The following CNTNAP2 variants were observed in gnomAD, a reference collection of about 807,000 sequenced individuals.
The protein encoded by CNTNAP2 is contactin-associated protein-like 2.
CNTNAP2 carries 98 observed loss-of-function variants against 155.2 expected under a neutral mutation model. The observed-to-expected ratio is 0.63, with a 90% CI of 0.54 to 0.75. The LOEUF is 0.75. Among genes scored for constraint, CNTNAP2 ranks in the 30% least tolerant of loss-of-function variants. The pLI is 0.00. For missense variants in CNTNAP2, 1,727 were observed against 1,688.1 expected (o/e 1.02, Z -0.40); for synonymous variants, 651 against 631.2 (o/e 1.03, Z -0.47).
At chr7:148,168,849 C>A (rs2116685990) in intron 17 of CNTNAP2, among the ~76,000 whole-genome samples, 2 of 152,254 alleles carry the variant, frequency 1.3e-5, no homozygotes, top group South Asian at 4.1e-4. Flanking sequence ...AAAAGGTTAA[C>A]ATGTGGAGAG....
intron 1 of CNTNAP2, among the ~76,000 whole-genome samples, chr7:146,660,015 C>A (rs190567002): frequency 2.6e-5 from 4 of 152,188 alleles, no homozygotes; most frequent in Non-Finnish European, 4.4e-5. Flanking sequence ...GCCAAGGGCA[C>A]GGTTATGCTG....
intron 14 of CNTNAP2, among the ~76,000 whole-genome samples, chr7:147,952,831 T>A (rs1005877644): frequency 2.0e-5 from 3 of 152,244 alleles, no homozygotes; most frequent in Non-Finnish European, 1.5e-5. Flanking sequence ...TATACTTATT[T>A]TTTTTAATGC....
chr7:146,514,474 A>C (rs1221974011), intron 1 of CNTNAP2, among the ~76,000 whole-genome samples: 1 of 151,922 alleles, frequency 6.6e-6, no homozygotes, highest in East Asian at 1.9e-4. Context: ...TAGTTCACTG[A>C]TTCTTTCCTC....
Position 148,241,205 on chromosome 7 carries a change from T to C in CNTNAP2, c.3381+11426T>C, listed in dbSNP as rs539498260. Among the ~76,000 whole-genome samples the C allele has an allele frequency of 2.0e-5, 3 of 152,354 alleles. No homozygotes were observed. The East Asian group carries it at 5.8e-4, about 29-fold the overall frequency. ...CATCTTTTCTAATGCAGTTTGTGTATGTTAAATGGAAATACAAAAAAAAAT... is the reference window on the plus strand; with the variant it reads ...CATCTTTTCTAATGCAGTTTGTGTACGTTAAATGGAAATACAAAAAAAAAT... On this transcript the variant is annotated intron_variant, in intron 20 of 23. Coordinates refer to ENST00000361727, the MANE Select transcript of CNTNAP2 (RefSeq NM_014141.6).
Position 146,658,701 on chromosome 7 carries a change from C to T in CNTNAP2, c.98-115570C>T, listed in dbSNP as rs116105474. On this transcript the variant is annotated intron_variant, in intron 1 of 23. Transcript: ENST00000361727. ...ATGTTCATACCTAATATTTATGAGTCAAATGCTAAGTATAATTCTCATGAC... is the reference window on the plus strand; with the variant it reads ...ATGTTCATACCTAATATTTATGAGTTAAATGCTAAGTATAATTCTCATGAC... Among the ~76,000 whole-genome samples the T allele has an allele frequency of 9.3e-3, 1,408 of 152,216 alleles. 19 individuals carry two copies. The highest frequency in any genetic ancestry group is 0.032 in the African/African-American group (1,343 of 41,534).
intron 1 of CNTNAP2, among the ~76,000 whole-genome samples, chr7:146,317,034 A>T (rs901963405): frequency 1.3e-5 from 2 of 152,224 alleles, no homozygotes; most frequent in Non-Finnish European, 2.9e-5. Flanking sequence ...ACCATGATGG[A>T]TAATACCACA....
intron 1 of CNTNAP2, among the ~76,000 whole-genome samples, chr7:146,249,673 A>T (rs1357315778): frequency 1.3e-5 from 2 of 152,136 alleles, no homozygotes; most frequent in Non-Finnish European, 2.9e-5. Context: ...TCTTATTTCC[A>T]CATAAGTATT....
At chr7:148,198,232 T>C (rs937296281) in intron 18 of CNTNAP2, among the ~76,000 whole-genome samples, 2 of 152,188 alleles carry the variant, frequency 1.3e-5, no homozygotes, top group African/African-American at 4.8e-5. Context: ...CTTTCTCTTT[T>C]GAAGCTTCAG....
At chr7:146,745,806 C>G (rs931691734) in intron 1 of CNTNAP2, among the ~76,000 whole-genome samples, 3 of 151,110 alleles carry the variant, frequency 2.0e-5, no homozygotes, top group African/African-American at 7.3e-5. Context: ...GTAACATTTG[C>G]CATTGGTAGA....
At chr7:147,044,113 G>T in intron 4 of CNTNAP2, 59 bp downstream of exon 4, 1 of 1,588,912 alleles carries the variant, frequency 6.3e-7, no homozygotes, top group Non-Finnish European at 8.6e-7. Context: ...ATAGTAAGCT[G>T]TTTTATTTTA....
chr7:147,507,837 C>T (rs1435994011), intron 11 of CNTNAP2, among the ~76,000 whole-genome samples: 1 of 152,078 alleles, frequency 6.6e-6, no homozygotes, highest in African/African-American at 2.4e-5. Flanking sequence ...AGGCGTGAGC[C>T]ACCGCGCCTG....
At chr7:147,389,074 CT>C (rs1796668063) in intron 9 of CNTNAP2, among the ~76,000 whole-genome samples, 1 of 152,176 alleles carries the variant, frequency 6.6e-6, no homozygotes, top group African/African-American at 2.4e-5. Context: ...CTCTATCTTC[CT>C]GCCTGCTGGG....
At chr7:147,270,593 G>C (rs183656482) in intron 8 of CNTNAP2, among the ~76,000 whole-genome samples, 4 of 152,106 alleles carry the variant, frequency 2.6e-5, no homozygotes, top group Non-Finnish European at 4.4e-5. Flanking sequence ...CCACCCACCA[G>C]GCCACACAAT....
chr7:147,004,211 C>CAAAAAAAAAAAAA (rs1670711738), intron 3 of CNTNAP2, among the ~76,000 whole-genome samples: 1 of 82,066 alleles, frequency 1.2e-5, no homozygotes. Flanking sequence ...AACTCATATA[C>CAAAAAAAAAAAAA]CAAAAAAAAA....
At chr7:146,932,644 A>G (rs1052392228) in intron 3 of CNTNAP2, among the ~76,000 whole-genome samples, 2 of 152,154 alleles carry the variant, frequency 1.3e-5, no homozygotes, top group Non-Finnish European at 2.9e-5. Flanking sequence ...AGGAAGTCAA[A>G]TTGTCCCTGC....
At chr7:148,224,743 G>A (rs1012723169) in intron 19 of CNTNAP2, among the ~76,000 whole-genome samples, 3 of 152,140 alleles carry the variant, frequency 2.0e-5, no homozygotes, top group South Asian at 2.1e-4. Flanking sequence ...TCATTGACTC[G>A]CAGTTCCGCA....
chr7:146,119,317 C>T (rs1265103482), intron 1 of CNTNAP2, among the ~76,000 whole-genome samples: 4 of 152,092 alleles, frequency 2.6e-5, no homozygotes, highest in African/African-American at 9.7e-5. Context: ...GTTTATTTCA[C>T]AACAACTGCA....
chr7:147,653,281 A>C (rs1365064257), intron 13 of CNTNAP2, among the ~76,000 whole-genome samples: 2 of 152,172 alleles, frequency 1.3e-5, no homozygotes, highest in Non-Finnish European at 2.9e-5. Context: ...TTTCAGAAGA[A>C]ACTCTTATGT....
At chr7:146,181,197 C>T (rs955922376) in intron 1 of CNTNAP2, among the ~76,000 whole-genome samples, 2 of 152,112 alleles carry the variant, frequency 1.3e-5, no homozygotes, top group African/African-American at 2.4e-5. Flanking sequence ...CCAACATACC[C>T]ATGATATGCA....
Sources: gnomAD v4.1 joint callset for allele counts (sites outside exome capture counted in the v4.1 genomes callset) on GRCh38, gnomAD v4.1.1 for gene constraint, MANE v1.5 for transcripts, NCBI Gene and HGNC (gene_info 2026-07-23, HGNC 2026-07-21) for gene names.